Variants in PLEKHG4B observed in about 807,000 individuals in gnomAD.
PLEKHG4B encodes the protein pleckstrin homology and RhoGEF domain containing G4B.
A neutral mutation model predicts 121.3 loss-of-function variants in PLEKHG4B; 111 were observed. The observed-to-expected ratio is 0.92, with a 90% confidence interval of 0.78 to 1.07. PLEKHG4B has a LOEUF of 1.07. Among genes scored for constraint, PLEKHG4B ranks in the 50% least tolerant of loss-of-function variants. PLEKHG4B has a pLI of 0.00. For missense variants in PLEKHG4B, 1,831 were observed against 1,757.8 expected, an observed-to-expected ratio of 1.04 and a Z score of -0.74; for synonymous variants, 738 against 725.0, an observed-to-expected ratio of 1.02 and a Z score of -0.29.
In PLEKHG4B at chr5:172,846, C is replaced by A. The variant is rs181636067; in HGVS notation, c.4051-51C>A. On this transcript the variant is annotated intron_variant, in intron 16 of 19. Transcript: ENST00000637938. ...AGACGGAGACAGTGACCTGTGCCAC[C>A]ACAGACGCCGGATTTTCTTGGATGA... 1,993 of 1,602,702 alleles carry A rather than the reference C, an allele frequency of 1.2e-3. 3 individuals carry two copies. The highest frequency in any genetic ancestry group is 1.6e-3 in the Non-Finnish European group (1,847 of 1,170,510).
At chr5:134,076 A>AAT (rs67940117) in intron 2 of PLEKHG4B, among the ~76,000 whole-genome samples, 1,302 of 40,082 alleles carry the variant, frequency 0.032, 12 homozygotes, top group Non-Finnish European at 0.044. Flanking sequence ...TATATGATAG[A>AAT]ATATATATAT....
intron 7 of PLEKHG4B, among the ~76,000 whole-genome samples, chr5:153,585 C>G (rs1735671793): frequency 6.6e-6 from 1 of 152,220 alleles, no homozygotes; most frequent in African/African-American, 2.4e-5. Flanking sequence ...TTCTGGGAAT[C>G]CACTTTCACT....
chr5:186,574 C>G lies in PLEKHG4B; in HGVS notation c.*4251C>G, dbSNP rs944111346. On this transcript the variant is annotated 3_prime_UTR_variant, in exon 20 of 20. Coordinates refer to ENST00000637938, the MANE Select transcript of PLEKHG4B (RefSeq NM_052909.5). ...ACGTGGGAGACAGCCCCGATGCGTC[C>G]CCATCCGCAGTGACGCTAGCGCGGA... 2.0e-5 allele frequency: 3 copies of G among 152,252 alleles called. No homozygotes were observed. Among genetic ancestry groups the G allele is most frequent in the Admixed American group, 2.0e-4 (3 of 15,286 alleles). The allele number at this position is 152,252 out of a possible 1,614,324, so 9.4% of individuals were successfully genotyped here. A position where few individuals can be genotyped will look rare whatever the true frequency, so the allele number is the denominator to read the frequency against.
Position 181,604 on chromosome 5 carries a change from T to C in PLEKHG4B, c.4493T>C (p.Val1498Ala). Residue 1498 changes from valine to alanine, a missense_variant, in exon 19 of 20, where the codon GTG (valine) becomes GCG (alanine). By Grantham distance (64) the Val-to-Ala change is moderately conservative. Transcript: ENST00000637938. ...AGAGACCGGACCCCTGACTGTGCAG[T>C]GATAAGCGACCGGGCTCCCAAATGT... ...KPRDRTPDCA[V>A]ISDRAPKCAV... 6.2e-7 allele frequency: 1 copy of C among 1,613,922 alleles called. No homozygotes were observed. The highest frequency in any genetic ancestry group is 8.5e-7 in the Non-Finnish European group (1 of 1,179,862).
Position 185,965 on chromosome 5 carries a change from G to A in PLEKHG4B, c.*3642G>A, listed in dbSNP as rs1465795612. 6.6e-6 allele frequency: 1 copy of A among 152,280 alleles called. No homozygotes were observed. The highest frequency in any genetic ancestry group is 1.9e-4 in the East Asian group (1 of 5,196). The allele number at this position is 152,280 out of a possible 1,614,324, so 9.4% of individuals were successfully genotyped here. ...GCTGTGGGATGCATCCCCACGGCCG[G>A]GACCCCTCAGCCTGTGACTTGGTCT... On this transcript the variant is annotated 3_prime_UTR_variant, in exon 20 of 20. Coordinates refer to ENST00000637938, the MANE Select transcript of PLEKHG4B (RefSeq NM_052909.5).
intron 2 of PLEKHG4B, among the ~76,000 whole-genome samples, chr5:129,635 C>G (rs1459954845): frequency 1.3e-5 from 2 of 152,160 alleles, no homozygotes; most frequent in African/African-American, 4.8e-5. Flanking sequence ...TTAAATATTT[C>G]ATAGAGCTTG....
intron 1 of PLEKHG4B, among the ~76,000 whole-genome samples, chr5:108,326 C>T (rs1227061630): frequency 6.6e-6 from 1 of 152,214 alleles, no homozygotes. Flanking sequence ...CCTTGCCGTC[C>T]TTCCTTCCTG....
chr5:93,710 A>G (rs1214863812), intron 1 of PLEKHG4B, among the ~76,000 whole-genome samples: 3 of 152,206 alleles, frequency 2.0e-5, no homozygotes, highest in African/African-American at 7.2e-5. Context: ...GGGTGGGTCT[A>G]GTCTGAAATC....
chr5:143,188 G>A lies in PLEKHG4B; in HGVS notation c.1619G>A (p.Ser540Asn). 1 of 1,611,716 alleles carries A rather than the reference G, an allele frequency of 6.2e-7. No homozygotes were observed. The highest frequency in any genetic ancestry group is 8.5e-7 in the Non-Finnish European group (1 of 1,180,006). Residue 540 changes from serine to asparagine, a missense_variant, in exon 4 of 20, where the codon AGC becomes AAC. Coordinates refer to ENST00000637938, the MANE Select transcript of PLEKHG4B (RefSeq NM_052909.5). Reference sequence around the variant, plus strand: ...CCACCCGGCACAGGAGACTTCCCCAGCCAGGTGCCCAAGCAGGTGCTGGAC... The same window carrying A: ...CCACCCGGCACAGGAGACTTCCCCAACCAGGTGCCCAAGCAGGTGCTGGAC... ...GWPPGTGDFPSQVPKQVLDVS... is the reference protein window; with the variant it reads ...GWPPGTGDFPNQVPKQVLDVS...
intron 1 of PLEKHG4B, among the ~76,000 whole-genome samples, chr5:99,291 A>T (rs1178953311): frequency 1.4e-5 from 2 of 147,290 alleles, no homozygotes; most frequent in African/African-American, 5.0e-5. Context: ...AGACCGTTGC[A>T]GTTTTGATAG....
At position 143,276 on chromosome 5, in the gene PLEKHG4B, T is replaced by C. The variant is rs1400505624; in HGVS notation, c.1687+20T>C. ...TCCCAGGTGAGAGCACATGCCAGGC[T>C]CTCCTGTCAGGGCGGATCTGACATC... is the stretch of plus-strand genomic sequence containing the variant. On this transcript the variant is annotated intron_variant, in intron 4 of 19. Coordinates refer to ENST00000637938, the MANE Select transcript of PLEKHG4B (RefSeq NM_052909.5). 1 of 1,609,268 alleles carries C rather than the reference T, an allele frequency of 6.2e-7. No individual in the cohort carries two copies. Among genetic ancestry groups the C allele is most frequent in the African/African-American group, 1.3e-5 (1 of 74,888 alleles).
At position 188,502 on chromosome 5, in the gene PLEKHG4B, T is replaced by G. The variant is rs1733691085; in HGVS notation, c.*6179T>G. The G allele has an allele frequency of 6.6e-6, 1 of 152,272 alleles. No homozygotes were observed. 9.4% of individuals were successfully genotyped at this position (152,272 alleles called of 1,614,324 possible). ...TTAATTACAAAACGATAGGTGAATG[T>G]GGGTTCTGTGTGCCTGTGACATAGA... is the stretch of plus-strand genomic sequence containing the variant. On this transcript the variant is annotated 3_prime_UTR_variant, in exon 20 of 20. Coordinates refer to ENST00000637938, the MANE Select transcript of PLEKHG4B (RefSeq NM_052909.5).
At chr5:180,093 C>T (rs983166282) in intron 18 of PLEKHG4B, among the ~76,000 whole-genome samples, 1 of 152,092 alleles carries the variant, frequency 6.6e-6, no homozygotes, top group African/African-American at 2.4e-5. Flanking sequence ...TCATTTTGTC[C>T]TTTCTCTGGG....
chr5:140,121 A>T lies in PLEKHG4B; in HGVS notation c.882A>T (p.Ser294=). ...SDRDFEKVSP[S]EQGPRMPPEN... ...GGGACTTCGAAAAGGTCAGCCCCTC[A>T]GAGCAGGGCCCACGGATGCCCCCTG... Residue 294 remains serine, a synonymous_variant, in exon 3 of 20, where the codon TCA becomes TCT. Transcript: ENST00000637938. 1.8e-6 allele frequency: 1 copy of T among 562,656 alleles called. No homozygotes were observed. Among genetic ancestry groups the T allele is most frequent in the Non-Finnish European group, 3.0e-6 (1 of 331,126 alleles). The allele number at this position is 562,656 out of a possible 1,614,324, so 34.9% of individuals were successfully genotyped here.
intron 2 of PLEKHG4B, among the ~76,000 whole-genome samples, chr5:138,070 T>C (rs1735036328): frequency 6.6e-6 from 1 of 152,198 alleles, no homozygotes; most frequent in African/African-American, 2.4e-5. Flanking sequence ...GTGGAGCAGC[T>C]CCAGGGCCCA....
In PLEKHG4B at chr5:185,251, G is replaced by A. The variant is rs993123898; in HGVS notation, c.*2928G>A. 5 of 152,234 alleles carry A rather than the reference G, an allele frequency of 3.3e-5. No homozygotes were observed. The highest frequency in any genetic ancestry group is 9.7e-5 in the African/African-American group (4 of 41,436). 9.4% of individuals were successfully genotyped at this position (152,234 alleles called of 1,614,324 possible). A position where few individuals can be genotyped will look rare whatever the true frequency, so the allele number is the denominator to read the frequency against. On this transcript the variant is annotated 3_prime_UTR_variant, in exon 20 of 20. Coordinates refer to ENST00000637938, the MANE Select transcript of PLEKHG4B (RefSeq NM_052909.5). ...AGCAAACACAAGCAGGGCGCAGGAC[G>A]CCGGCAAGCCACAGACAGGCCTGCT...
intron 1 of PLEKHG4B, among the ~76,000 whole-genome samples, chr5:101,887 G>A (rs1327934431): frequency 2.6e-5 from 2 of 78,064 alleles, no homozygotes; most frequent in Non-Finnish European, 4.7e-5. Flanking sequence ...AAGTCTGTAG[G>A]GGAGAGACTG....
intron 13 of PLEKHG4B, 81 bp from the exon 14 acceptor site, chr5:169,259 G>C: frequency 6.4e-7 from 1 of 1,560,960 alleles, no homozygotes; most frequent in Non-Finnish European, 8.7e-7. Flanking sequence ...GTTTTCATGT[G>C]TTTCTGTCTC....
Position 98,857 on chromosome 5 carries a change from CA to C in PLEKHG4B, c.45+6589del, listed in dbSNP as rs34374815. ...TTTTCCTTTTTTTTTTTTTTTTTTT[CA>C]AAAAAAATTTTTTGGGGACCGGGTG... On this transcript the variant is annotated intron_variant, in intron 1 of 19. Transcript: ENST00000637938. Among the ~76,000 whole-genome samples, 3 of 43,694 alleles carry C rather than the reference CA, an allele frequency of 6.9e-5. No homozygotes were observed. In the South Asian group the frequency reaches 2.2e-3, roughly 32 times the overall value. The allele number at this position is 43,694 out of a possible 152,430, so 28.7% of individuals were successfully genotyped here.
Sources: gnomAD v4.1 joint callset for allele counts (sites outside exome capture counted in the v4.1 genomes callset) on GRCh38, gnomAD v4.1.1 for gene constraint, MANE v1.5 for transcripts, NCBI Gene and HGNC (gene_info 2026-07-23, HGNC 2026-07-21) for gene names.